The following SLC30A8 variants were observed in gnomAD, a reference collection of about 807,000 sequenced individuals.
The protein encoded by SLC30A8 is proton-coupled zinc antiporter SLC30A8.
In SLC30A8, 27 loss-of-function variants were observed where a neutral mutation model predicts 36.9. The ratio of observed to expected loss-of-function variants is 0.73; its 90% confidence interval spans 0.54 to 1.01. The LOEUF (loss-of-function observed/expected upper bound fraction) is 1.01, where lower values mean the gene tolerates loss of function less well. Among genes scored for constraint, SLC30A8 ranks in the 50% least tolerant of loss-of-function variants. The probability of loss-of-function intolerance (pLI) is 0.00; values close to 1 mark genes in which losing one functional copy is unlikely to be tolerated. For missense variants in SLC30A8, 439 were observed against 452.0 expected, an observed-to-expected ratio of 0.97 and a Z score of 0.26; for synonymous variants, 164 against 172.4, an observed-to-expected ratio of 0.95 and a Z score of 0.38.
At chr8:117,115,071 G>C (rs1820389289) in intron 2 of SLC30A8, among the ~76,000 whole-genome samples, 1 of 151,888 alleles carries the variant, frequency 6.6e-6, no homozygotes, top group South Asian at 2.1e-4. Flanking sequence ...CCCATGCCTG[G>C]CTAATTTTTG....
At chr8:117,111,436 C>A (rs1266921248) in intron 2 of SLC30A8, among the ~76,000 whole-genome samples, 1 of 152,050 alleles carries the variant, frequency 6.6e-6, no homozygotes, top group Non-Finnish European at 1.5e-5. Flanking sequence ...GTAATAGCAC[C>A]CTACCTTTCC....
intron 1 of SLC30A8, among the ~76,000 whole-genome samples, chr8:117,014,961 A>G (rs1816465736): frequency 6.6e-6 from 1 of 151,888 alleles, no homozygotes; most frequent in Non-Finnish European, 1.5e-5. Context: ...AGGGACCTAG[A>G]CCGAACCCCT....
At chr8:117,146,921 T>G (rs1251893992) in intron 1 of SLC30A8, 33 bp from the exon 2 acceptor site, 1 of 1,612,356 alleles carries the variant, frequency 6.2e-7, no homozygotes, top group East Asian at 2.2e-5. Context: ...TGCAACTATG[T>G]TCACTTCTTG....
intron 1 of SLC30A8, among the ~76,000 whole-genome samples, chr8:116,998,387 A>C (rs977314241): frequency 2.0e-5 from 3 of 152,186 alleles, no homozygotes; most frequent in African/African-American, 7.2e-5. Flanking sequence ...ATTTAAAATG[A>C]AAAGCTGGGA....
intron 6 of SLC30A8, chr8:117,164,055 T>C (rs879794430): frequency 6.6e-6 from 1 of 152,578 alleles, no homozygotes; most frequent in African/African-American, 2.4e-5. Context: ...TAGTGTGCTA[T>C]GAGGTTCAGG....
intron 1 of SLC30A8, among the ~76,000 whole-genome samples, chr8:116,995,391 C>G (rs1411846625): frequency 6.6e-6 from 1 of 152,078 alleles, no homozygotes; most frequent in Non-Finnish European, 1.5e-5. Context: ...TTAGTTATTT[C>G]ATGGCCACAC....
At chr8:117,135,688 C>T (rs1225778098) in intron 1 of SLC30A8, among the ~76,000 whole-genome samples, 5 of 151,646 alleles carry the variant, frequency 3.3e-5, no homozygotes, top group African/African-American at 1.2e-4. Context: ...TTTACTTTTC[C>T]TTTTCTCAAT....
intron 2 of SLC30A8, among the ~76,000 whole-genome samples, chr8:117,041,768 C>T (rs1163946883): frequency 6.6e-6 from 1 of 152,122 alleles, no homozygotes; most frequent in Admixed American, 6.6e-5. Context: ...AAGGACTTGA[C>T]ACATTGATTG....
chr8:117,018,316 A>G (rs1816587461), intron 1 of SLC30A8: 1 of 152,242 alleles, frequency 6.6e-6, no homozygotes, highest in Non-Finnish European at 1.5e-5. Flanking sequence ...ATTAGTTTTA[A>G]TAATATATTT....
At chr8:117,014,796 C>T (rs918099573) in intron 1 of SLC30A8, among the ~76,000 whole-genome samples, 2 of 152,094 alleles carry the variant, frequency 1.3e-5, no homozygotes, top group African/African-American at 4.8e-5. Context: ...TACCCTTCCT[C>T]AGTTCCCTGC....
At chr8:117,163,756 A>AGT (rs1773888894) in intron 6 of SLC30A8, among the ~76,000 whole-genome samples, 1 of 152,208 alleles carries the variant, frequency 6.6e-6, no homozygotes, top group Non-Finnish European at 1.5e-5. Context: ...AATAGCTCAC[A>AGT]GTGTAAAAAC....
intron 1 of SLC30A8, among the ~76,000 whole-genome samples, chr8:116,992,554 G>T (rs1815679674): frequency 6.6e-6 from 1 of 152,158 alleles, no homozygotes; most frequent in East Asian, 1.9e-4. Context: ...AGTGTCATGG[G>T]TGGGAGGGAC....
chr8:116,973,319 C>A (rs1170768427), intron 1 of SLC30A8, among the ~76,000 whole-genome samples: 1 of 152,134 alleles, frequency 6.6e-6, no homozygotes, highest in East Asian at 1.9e-4. Flanking sequence ...AGATTTGGAC[C>A]AGTGAGATGT....
intron 6 of SLC30A8, 103 bp downstream of exon 6, chr8:117,163,633 G>A: frequency 1.3e-5 from 11 of 821,054 alleles, no homozygotes; most frequent in South Asian, 7.4e-5. Flanking sequence ...TTTGAATTAT[G>A]GGAAAAATTT....
intron 1 of SLC30A8, among the ~76,000 whole-genome samples, chr8:116,987,467 AAAAT>A (rs1470732148): frequency 3.9e-5 from 6 of 152,184 alleles, no homozygotes; most frequent in Middle Eastern, 3.2e-3. Flanking sequence ...AAAATAAAAT[AAAAT>A]AAATATTGTC....
At chr8:117,122,718 T>TAG (rs1820740167) in intron 2 of SLC30A8, among the ~76,000 whole-genome samples, 1 of 152,002 alleles carries the variant, frequency 6.6e-6, no homozygotes, top group Non-Finnish European at 1.5e-5. Flanking sequence ...CTGGGTGTTT[T>TAG]AGTGAAGACC....
intron 1 of SLC30A8, among the ~76,000 whole-genome samples, chr8:117,030,433 C>G (rs1189827692): frequency 1.3e-5 from 2 of 152,156 alleles, no homozygotes; most frequent in African/African-American, 4.8e-5. Context: ...CCATCTTTCT[C>G]TTTGTGTAAA....
Position 117,172,586 on chromosome 8 carries a change from A to C in SLC30A8, c.1015A>C (p.Ser339Arg). The C allele has an allele frequency of 6.2e-7, 1 of 1,613,732 alleles. No homozygotes were observed. Among genetic ancestry groups the C allele is most frequent in the East Asian group, 2.2e-5 (1 of 44,858 alleles). The change falls in exon 8 of 8, where the codon AGC (serine) becomes CGC (arginine). Residue 339 changes from serine (S) to arginine (R), a missense_variant. Transcript: ENST00000456015. The stretch of plus-strand genomic sequence containing the variant: ...TCGGAGAGAAATTGCTAAAGCCCTT[A>C]GCAAAAGCTTTACGATGCACTCACT... ...VVRREIAKAL[S>R]KSFTMHSLTI...
chr8:117,011,357 C>T (rs998649384), intron 1 of SLC30A8, among the ~76,000 whole-genome samples: 1 of 152,200 alleles, frequency 6.6e-6, no homozygotes, highest in Non-Finnish European at 1.5e-5. Flanking sequence ...TCCTCTTTGC[C>T]TGAATGAAAC....
Sources: allele counts gnomAD v4.1 joint callset (sites outside exome capture counted in the v4.1 genomes callset), GRCh38; gene constraint gnomAD v4.1.1; transcripts MANE v1.5; gene names NCBI Gene and HGNC (gene_info 2026-07-23, HGNC 2026-07-21).